The following TRIM2 variants were observed in gnomAD, a reference collection of about 807,000 sequenced individuals.
TRIM2 encodes the protein tripartite motif containing 2.
A neutral mutation model predicts 75.2 loss-of-function variants in TRIM2; 20 were observed. That is an observed-to-expected ratio of 0.27 (90% CI 0.19 to 0.39). TRIM2 has a LOEUF of 0.39. Ranked by LOEUF, TRIM2 falls within the 10% of genes least tolerant of loss-of-function variation. TRIM2 has a pLI of 1.00. For synonymous variants in TRIM2, 373 were observed against 388.3 expected, an observed-to-expected ratio of 0.96 and a Z score of 0.46; for missense variants, 660 against 990.8, an observed-to-expected ratio of 0.67 and a Z score of 4.48.
chr4:153,336,160 C>CTGTA lies in TRIM2; in HGVS notation c.*1195_*1196insGTAT, dbSNP rs1772420859. On this transcript the variant is annotated 3_prime_UTR_variant, in exon 12 of 12. Coordinates refer to ENST00000338700, the MANE Select transcript of TRIM2 (RefSeq NM_015271.5). Reference sequence around the variant, plus strand: ...CACACACACATATATATAGCTGAATCTTTGGTGTATTGAAATAGGCAGCAC... The same window carrying CTGTA: ...CACACACACATATATATAGCTGAATCTGTATTTGGTGTATTGAAATAGGCAGCAC... 1.0e-6 allele frequency: 1 copy of CTGTA among 984,294 alleles called. No homozygotes were observed. Among genetic ancestry groups the CTGTA allele is most frequent in the East Asian group, 1.1e-4 (1 of 8,790 alleles). The allele number at this position is 984,294 out of a possible 1,614,324, so 61.0% of individuals were successfully genotyped here. A position where few individuals can be genotyped will look rare whatever the true frequency, so the allele number is the denominator to read the frequency against.
intron 1 of TRIM2, among the ~76,000 whole-genome samples, chr4:153,171,414 C>T (rs565084030): frequency 6.6e-6 from 1 of 152,096 alleles, no homozygotes; most frequent in South Asian, 2.1e-4. Flanking sequence ...GGTGAAACCC[C>T]GTCTCCACTA....
At chr4:153,160,927 G>C (rs1159648373) in intron 1 of TRIM2, among the ~76,000 whole-genome samples, 1 of 152,024 alleles carries the variant, frequency 6.6e-6, no homozygotes. Context: ...TTTTTAAAAA[G>C]GGGAGGGGAG....
intron 1 of TRIM2, among the ~76,000 whole-genome samples, chr4:153,194,834 A>C (rs1406041954): frequency 6.7e-6 from 1 of 150,084 alleles, no homozygotes; most frequent in East Asian, 2.0e-4. Flanking sequence ...GTGGTTAAAA[A>C]CTCCTGCTTA....
intron 11 of TRIM2, 30 bp downstream of exon 11, chr4:153,328,700 G>C (rs369692201): frequency 9.7e-6 from 15 of 1,544,556 alleles, no homozygotes; most frequent in Non-Finnish European, 1.1e-5. Flanking sequence ...TATATGGTTA[G>C]AGTGTTTGGT....
In TRIM2 at chr4:153,295,485, C is replaced by T. The variant is rs1279083060; in HGVS notation, c.959C>T (p.Pro320Leu). 2 of 1,614,056 alleles carry T rather than the reference C, an allele frequency of 1.2e-6. No individual in the cohort carries two copies. Among genetic ancestry groups the T allele is most frequent in the Non-Finnish European group, 1.7e-6 (2 of 1,180,044 alleles). ...GCCGACCAGGACTTCCCCTTGCACC[C>T]GCGGGAGAACGACCAGCTGGATTTC... ...ELADQDFPLH[P>L]RENDQLDFIV... Residue 320 changes from proline (P) to leucine (L), a missense_variant, in exon 6 of 12, where the codon CCG becomes CTG. Pro to Leu is a moderately conservative substitution (Grantham distance 98). Coordinates refer to ENST00000338700, the MANE Select transcript of TRIM2 (RefSeq NM_015271.5). The surrounding 1 kb of genome is among the most constrained non-coding windows in gnomAD (Gnocchi z 7.2).
At chr4:153,274,002 C>A (rs1309441985) in intron 2 of TRIM2, among the ~76,000 whole-genome samples, 1 of 152,170 alleles carries the variant, frequency 6.6e-6, no homozygotes, top group Non-Finnish European at 1.5e-5. Flanking sequence ...TAAATAAGTC[C>A]ACTGTGGCTG....
At chr4:153,200,092 C>T (rs1160990373), upstream of TRIM2, among the ~76,000 whole-genome samples, 8 of 152,074 alleles carry the variant, frequency 5.3e-5, no homozygotes, top group Admixed American at 5.2e-4. Flanking sequence ...CAGGCACCGC[C>T]ACCACGCCCA....
chr4:153,220,056 G>A (rs1739539393), intron 1 of TRIM2, among the ~76,000 whole-genome samples: 1 of 152,158 alleles, frequency 6.6e-6, no homozygotes, highest in Non-Finnish European at 1.5e-5. Flanking sequence ...CTATGGCAAT[G>A]TAATTGAGGA....
At chr4:153,211,684 T>TACATATC (rs1294879214) in intron 1 of TRIM2, among the ~76,000 whole-genome samples, 1 of 151,818 alleles carries the variant, frequency 6.6e-6, no homozygotes, top group Non-Finnish European at 1.5e-5. Context: ...ATATGGGATT[T>TACATATC]TACCATGTTG....
At chr4:153,219,354 T>G (rs559937823) in intron 1 of TRIM2, among the ~76,000 whole-genome samples, 5 of 152,286 alleles carry the variant, frequency 3.3e-5, no homozygotes, top group African/African-American at 1.2e-4. Flanking sequence ...ATAATACTAC[T>G]TAGTGCCTTT....
intron 1 of TRIM2, among the ~76,000 whole-genome samples, chr4:153,188,802 C>G (rs1004530108): frequency 6.6e-6 from 1 of 151,976 alleles, no homozygotes; most frequent in Non-Finnish European, 1.5e-5. Flanking sequence ...ATTTTCTGTC[C>G]TGTCCTGTGT....
At chr4:153,310,771 C>G (rs1170902205) in intron 6 of TRIM2, among the ~76,000 whole-genome samples, 1 of 152,092 alleles carries the variant, frequency 6.6e-6, no homozygotes, top group African/African-American at 2.4e-5. Context: ...TTTTTAAAAA[C>G]AAATATTGCA....
intron 3 of TRIM2, among the ~76,000 whole-genome samples, chr4:153,284,765 C>A (rs1210725711): frequency 6.6e-6 from 1 of 152,086 alleles, no homozygotes; most frequent in Non-Finnish European, 1.5e-5. Flanking sequence ...TATTCAAGTT[C>A]TTTGCCCGTT....
chr4:153,296,538 A>T (rs1476083526), intron 6 of TRIM2, among the ~76,000 whole-genome samples: 5 of 152,192 alleles, frequency 3.3e-5, no homozygotes, highest in African/African-American at 1.2e-4. Flanking sequence ...GGATGTGTGC[A>T]TTGCAAGTTG....
chr4:153,179,376 A>G (rs1731812994), intron 1 of TRIM2, among the ~76,000 whole-genome samples: 1 of 151,000 alleles, frequency 6.6e-6, no homozygotes, highest in African/African-American at 2.4e-5. Context: ...GTTAAATATT[A>G]TTATTTGATT....
At position 153,196,488 on chromosome 4, in the gene TRIM2, G is replaced by A. The variant is rs528635830; in HGVS notation, c.-49+43218G>A. On this transcript the variant is annotated intron_variant, in intron 1 of 11. Transcript: ENST00000437508. ...AAACAAAGTTTCCATTTCCTTGTCT[G>A]CAGAATGAGCGTGAGTTCCTATGCC... Among the ~76,000 whole-genome samples, 6 of 152,238 alleles carry A rather than the reference G, an allele frequency of 3.9e-5. No individual in the cohort carries two copies. The East Asian group carries it at 9.6e-4, about 24-fold the overall frequency.
intron 1 of TRIM2, among the ~76,000 whole-genome samples, chr4:153,231,777 C>A (rs1743701418): frequency 6.6e-6 from 1 of 152,166 alleles, no homozygotes; most frequent in Admixed American, 6.5e-5. Context: ...TCCCTCCATG[C>A]CTGTCTCTGT....
At chr4:153,253,283 A>G (rs1008186611) in intron 1 of TRIM2, among the ~76,000 whole-genome samples, 2 of 152,192 alleles carry the variant, frequency 1.3e-5, no homozygotes, top group Non-Finnish European at 2.9e-5. Flanking sequence ...TGCTACTGAC[A>G]TTAGTGTTGT....
chr4:153,319,038 T>G (rs568519557), intron 8 of TRIM2, among the ~76,000 whole-genome samples: 1 of 152,322 alleles, frequency 6.6e-6, no homozygotes, highest in East Asian at 1.9e-4. Context: ...AAGTGGAATA[T>G]CCACAGGTAT....
Sources: gnomAD v4.1 joint callset for allele counts (sites outside exome capture counted in the v4.1 genomes callset) on GRCh38, gnomAD v4.1.1 for gene constraint, Gnocchi (gnomAD v3.1) non-coding constraint, MANE v1.5 for transcripts, NCBI Gene and HGNC (gene_info 2026-07-23, HGNC 2026-07-21) for gene names.